TSPAN18: variants seen among roughly 807,000 people sequenced by gnomAD.
The protein encoded by TSPAN18 is tetraspanin 18.
A neutral mutation model predicts 27.3 loss-of-function variants in TSPAN18; 14 were observed. That is an observed-to-expected ratio of 0.51 (90% CI 0.34 to 0.80). TSPAN18 has a LOEUF of 0.80. Among genes scored for constraint, TSPAN18 ranks in the 30% least tolerant of loss-of-function variants. TSPAN18 has a pLI of 0.01. For synonymous variants in TSPAN18, 143 were observed against 136.5 expected (o/e 1.05, Z -0.33); for missense variants, 268 against 323.9 (o/e 0.83, Z 1.32).
chr11:44,929,255 G>T lies in TSPAN18; in HGVS notation c.*77G>T, dbSNP rs921830645. The T allele has an allele frequency of 2.5e-5, 39 of 1,574,222 alleles. No individual in the cohort carries two copies. The highest frequency in any genetic ancestry group is 8.7e-7 in the Non-Finnish European group (1 of 1,149,986). The stretch of plus-strand genomic sequence containing the variant: ...CCAGTGTCCTCCCGTGCCCCTCCCC[G>T]CTGTCCTCTTGGCCCCAGGGGAGAA... On this transcript the variant is annotated 3_prime_UTR_variant, in exon 10 of 10. Transcript: ENST00000520358.
intron 5 of TSPAN18, among the ~76,000 whole-genome samples, chr11:44,916,097 A>C (rs1216543468): frequency 6.6e-6 from 1 of 152,202 alleles, no homozygotes; most frequent in Admixed American, 6.5e-5. Context: ...TGGACACTTA[A>C]AAAACTAAAA....
intron 9 of TSPAN18, 104 bp downstream of exon 9, chr11:44,926,861 A>G: frequency 2.3e-6 from 3 of 1,316,098 alleles, no homozygotes; most frequent in Non-Finnish European, 2.2e-6. Flanking sequence ...TTCACCTGGG[A>G]CCCAAGGGGC....
intron 2 of TSPAN18, among the ~76,000 whole-genome samples, chr11:44,801,484 A>C (rs1260633331): frequency 6.6e-6 from 1 of 152,242 alleles, no homozygotes; most frequent in Non-Finnish European, 1.5e-5. Flanking sequence ...TACCCAGTAC[A>C]TACCTGTGGA....
intron 2 of TSPAN18, among the ~76,000 whole-genome samples, chr11:44,828,884 C>T (rs1857099012): frequency 6.6e-6 from 1 of 152,202 alleles, no homozygotes; most frequent in Non-Finnish European, 1.5e-5. Flanking sequence ...AATCTACCCT[C>T]TTCTCTCCAT....
intron 3 of TSPAN18, among the ~76,000 whole-genome samples, chr11:44,874,557 C>G (rs962113418): frequency 1.3e-5 from 2 of 152,236 alleles, no homozygotes; most frequent in African/African-American, 2.4e-5. Context: ...ATGCCCGAGT[C>G]TATCTTGATT....
At chr11:44,787,706 G>A (rs763015411) in intron 2 of TSPAN18, among the ~76,000 whole-genome samples, 3 of 152,214 alleles carry the variant, frequency 2.0e-5, no homozygotes, top group Non-Finnish European at 2.9e-5. Context: ...AATAGATATC[G>A]GCAGATGTGA....
At position 44,909,881 on chromosome 11, in the gene TSPAN18, C is replaced by T. The variant is rs1554938428; in HGVS notation, c.240C>T (p.Asn80=). ...GCTGCTGCGGGGCCGTCCGTGAGAA[C>T]AAGTGTCTGCTGCTATTTGTGAGTA... ...FLGCCGAVRE[N]KCLLLFFFLF... Residue 80 remains asparagine, a synonymous_variant, in exon 5 of 10, where the codon AAC becomes AAT. Coordinates refer to ENST00000520358, the MANE Select transcript of TSPAN18 (RefSeq NM_130783.5). 7 of 1,613,098 alleles carry T rather than the reference C, an allele frequency of 4.3e-6. No homozygotes were observed. In the Admixed American group the frequency reaches 1.0e-4, roughly 23 times the overall value.
At chr11:44,807,176 G>A (rs1415438235) in intron 2 of TSPAN18, among the ~76,000 whole-genome samples, 4 of 117,502 alleles carry the variant, frequency 3.4e-5, no homozygotes, top group Non-Finnish European at 6.5e-5. Flanking sequence ...TGGCTAAGTA[G>A]CAAGACCCTG....
In TSPAN18 at chr11:44,906,378, G is replaced by A. The variant is rs1356710579; in HGVS notation, c.-10-29G>A. The A allele has an allele frequency of 1.9e-6, 3 of 1,612,680 alleles. No homozygotes were observed. The South Asian group carries it at 3.3e-5, about 18-fold the overall frequency. On this transcript the variant is annotated intron_variant, in intron 3 of 9. Transcript: ENST00000520358. ...TCTTCCTGGGTGGGGTCCCCCATCG[G>A]GAAGACTGAGGTGGCCTTGTATTTC...
intron 3 of TSPAN18, among the ~76,000 whole-genome samples, chr11:44,902,849 G>A (rs1247064580): frequency 2.0e-5 from 3 of 152,192 alleles, no homozygotes; most frequent in East Asian, 3.9e-4. Context: ...GAGAGGAAAC[G>A]GAGCACAGGA....
rs57394106 is a variant in TSPAN18 at position 44,924,097 on chromosome 11, T to TTGTGTGTGTGTGTGTGTGTG, written c.616-2562_616-2543dup. The stretch of plus-strand genomic sequence containing the variant: ...CTGCTTCTCCTGTCCCCTTCTGGGG[T>TTGTGTGTGTGTGTGTGTGTG]TGTGTGTGTGTGTGTGTGTGTGTGT... On this transcript the variant is annotated intron_variant, in intron 8 of 9. Transcript: ENST00000520358. Among the ~76,000 whole-genome samples, 55 of 145,872 alleles carry TTGTGTGTGTGTGTGTGTGTG rather than the reference T, an allele frequency of 3.8e-4. 1 individual carries two copies. Among genetic ancestry groups the TTGTGTGTGTGTGTGTGTGTG allele is most frequent in the Admixed American group, 3.0e-3 (44 of 14,694 alleles).
chr11:44,866,139 G>A (rs115575280), intron 3 of TSPAN18, among the ~76,000 whole-genome samples: 1,572 of 152,332 alleles, frequency 0.01, 26 homozygotes, highest in African/African-American at 0.036. Flanking sequence ...CCACACTCGG[G>A]CACAGGCCCA....
intron 3 of TSPAN18, 45 bp downstream of exon 3, chr11:44,860,514 T>C (rs954821193): frequency 2.0e-5 from 3 of 152,270 alleles, no homozygotes; most frequent in African/African-American, 7.2e-5. Context: ...TCTGCTACTT[T>C]TGTTGTTGCT....
chr11:44,914,827 G>A (rs1043424335), intron 5 of TSPAN18, among the ~76,000 whole-genome samples: 5 of 152,188 alleles, frequency 3.3e-5, no homozygotes, highest in African/African-American at 9.7e-5. Flanking sequence ...GGGTAGCAAG[G>A]ACTCAGCAGG....
rs1554985027 is a variant in TSPAN18 at position 44,800,006 on chromosome 11, G to GGTT, written c.-153+35494_-153+35495insGTT. Among the ~76,000 whole-genome samples the GGTT allele has an allele frequency of 9.6e-4, 105 of 109,368 alleles. 6 individuals carry two copies. Among genetic ancestry groups the GGTT allele is most frequent in the African/African-American group, 1.3e-3 (36 of 27,878 alleles). The allele number at this position is 109,368 out of a possible 152,430, so 71.7% of individuals were successfully genotyped here. A position where few individuals can be genotyped will look rare whatever the true frequency, so the allele number is the denominator to read the frequency against. On this transcript the variant is annotated intron_variant, in intron 2 of 9. Coordinates refer to ENST00000520358, the MANE Select transcript of TSPAN18 (RefSeq NM_130783.5). ...CCACCACACCCGGCTAATTTTTTGT[G>GGTT]TTTTTTTTTTTTTTTTTTTTTTGTA...
chr11:44,899,809 A>G (rs565955367), intron 3 of TSPAN18, among the ~76,000 whole-genome samples: 1 of 152,318 alleles, frequency 6.6e-6, no homozygotes, highest in African/African-American at 2.4e-5. Context: ...ACCTGACCCT[A>G]CAGGCCCCAC....
At chr11:44,896,327 C>T (rs1417996092) in intron 3 of TSPAN18, among the ~76,000 whole-genome samples, 3 of 152,196 alleles carry the variant, frequency 2.0e-5, no homozygotes. Flanking sequence ...CACTTACCAA[C>T]AGTGTGATGT....
Position 44,834,013 on chromosome 11 carries a change from T to A in TSPAN18, c.-152-26315T>A, listed in dbSNP as rs186163187. ...GAATTTATAATGGCGGCTTCCTAGA[T>A]AATTAATTACTGCTGCTCACTGCCC... On this transcript the variant is annotated intron_variant, in intron 2 of 9. Coordinates refer to ENST00000520358, the MANE Select transcript of TSPAN18 (RefSeq NM_130783.5). Among the ~76,000 whole-genome samples the A allele has an allele frequency of 4.6e-5, 7 of 151,580 alleles. No homozygotes were observed. In the Admixed American group the frequency reaches 4.6e-4, roughly 10 times the overall value.
At chr11:44,928,028 C>G (rs1377222279) in intron 9 of TSPAN18, among the ~76,000 whole-genome samples, 3 of 152,194 alleles carry the variant, frequency 2.0e-5, no homozygotes, top group Non-Finnish European at 2.9e-5. Context: ...TTACATGGCC[C>G]CGTCCCGGTA....
Sources: allele counts gnomAD v4.1 joint callset (sites outside exome capture counted in the v4.1 genomes callset), GRCh38; gene constraint gnomAD v4.1.1; transcripts MANE v1.5; gene names NCBI Gene and HGNC (gene_info 2026-07-23, HGNC 2026-07-21).